The following SCCPDH variants were observed in gnomAD, a reference collection of about 807,000 sequenced individuals.
The protein encoded by SCCPDH is saccharopine dehydrogenase (putative).
Under a neutral mutation model 51.5 loss-of-function variants are expected in SCCPDH, and 34 were observed. The observed-to-expected ratio is 0.66, with a 90% CI of 0.50 to 0.88. The LOEUF (loss-of-function observed/expected upper bound fraction) is 0.88. Among genes scored for constraint, SCCPDH ranks in the 40% least tolerant of loss-of-function variants. The probability of loss-of-function intolerance (pLI) is 0.00; values close to 1 mark genes in which losing one functional copy is unlikely to be tolerated. For synonymous variants in SCCPDH, 187 were observed against 191.3 expected (o/e 0.98, Z 0.19); for missense variants, 464 against 527.1 (o/e 0.88, Z 1.17).
intron 2 of SCCPDH, 121 bp from the exon 3 acceptor site, chr1:246,735,854 C>T (rs1408149422): frequency 6.2e-6 from 4 of 643,414 alleles, no homozygotes; most frequent in African/African-American, 1.9e-5. Context: ...TATCTTTAGG[C>T]TATTTTATTA....
At chr1:246,752,380 C>T (rs1307455418) in intron 5 of SCCPDH, among the ~76,000 whole-genome samples, 2 of 152,158 alleles carry the variant, frequency 1.3e-5, no homozygotes, top group Admixed American at 1.3e-4. Context: ...AGTTGTACAG[C>T]TAAGAAACGG....
intron 3 of SCCPDH, among the ~76,000 whole-genome samples, chr1:246,736,347 G>A (rs1470971488): frequency 1.3e-5 from 2 of 152,112 alleles, no homozygotes; most frequent in Non-Finnish European, 2.9e-5. Context: ...ATAGCGGACT[G>A]TGCATAATTC....
chr1:246,751,030 G>A (rs765848444), intron 5 of SCCPDH, among the ~76,000 whole-genome samples: 18 of 152,202 alleles, frequency 1.2e-4, no homozygotes, highest in African/African-American at 2.9e-4. Flanking sequence ...ACAACATTTC[G>A]CTCATAAGGG....
intron 5 of SCCPDH, among the ~76,000 whole-genome samples, chr1:246,751,283 T>C (rs757569639): frequency 1.3e-5 from 2 of 150,618 alleles, no homozygotes; most frequent in African/African-American, 2.5e-5. Context: ...TTTTATAGAC[T>C]CTTTTTAACC....
intron 9 of SCCPDH, among the ~76,000 whole-genome samples, chr1:246,762,573 G>A (rs1669033888): frequency 1.3e-5 from 2 of 152,080 alleles, no homozygotes; most frequent in African/African-American, 2.4e-5. Flanking sequence ...CGGGCGCAGT[G>A]GCTCACACCT....
intron 3 of SCCPDH, among the ~76,000 whole-genome samples, chr1:246,739,432 A>G (rs1668645984): frequency 6.6e-6 from 1 of 152,218 alleles, no homozygotes; most frequent in South Asian, 2.1e-4. Context: ...AGAGACAAGG[A>G]AAGTGTGAGA....
At chr1:246,745,278 C>A (rs1264929265) in intron 5 of SCCPDH, among the ~76,000 whole-genome samples, 2 of 152,160 alleles carry the variant, frequency 1.3e-5, no homozygotes, top group African/African-American at 4.8e-5. Context: ...TAGTGCCTAA[C>A]CCAGTTCTAG....
intron 3 of SCCPDH, among the ~76,000 whole-genome samples, chr1:246,739,810 C>T (rs567495628): frequency 1.3e-5 from 2 of 151,998 alleles, no homozygotes; most frequent in Admixed American, 6.6e-5. Context: ...TGTACGTGTG[C>T]GGAGCTTTAT....
chr1:246,745,611 G>A (rs940056220), intron 5 of SCCPDH, among the ~76,000 whole-genome samples: 1 of 152,110 alleles, frequency 6.6e-6, no homozygotes. Context: ...TGAAGGAAGA[G>A]GAAATAGTGT....
chr1:246,762,499 A>G (rs990650079), intron 9 of SCCPDH, among the ~76,000 whole-genome samples: 1 of 152,272 alleles, frequency 6.6e-6, no homozygotes. Context: ...TCTTTATAAA[A>G]TGTTCCTGGC....
At chr1:246,746,771 G>A (rs1207873995) in intron 5 of SCCPDH, among the ~76,000 whole-genome samples, 1 of 152,226 alleles carries the variant, frequency 6.6e-6, no homozygotes, top group African/African-American at 2.4e-5. Context: ...AACTTGGGAG[G>A]CAGAGGTTGC....
chr1:246,746,278 AG>A (rs1668760953), intron 5 of SCCPDH, among the ~76,000 whole-genome samples: 2 of 152,222 alleles, frequency 1.3e-5, no homozygotes, highest in African/African-American at 4.8e-5. Flanking sequence ...TTGAGCAAGC[AG>A]GGGGTACATA....
chr1:246,730,476 A>G (rs929012119), intron 2 of SCCPDH, among the ~76,000 whole-genome samples: 2 of 152,146 alleles, frequency 1.3e-5, no homozygotes, highest in African/African-American at 4.8e-5. Flanking sequence ...GTTGCAGTAA[A>G]GTGAAAACGA....
At chr1:246,730,916 T>G (rs1668481990) in intron 2 of SCCPDH, among the ~76,000 whole-genome samples, 1 of 152,018 alleles carries the variant, frequency 6.6e-6, no homozygotes, top group Non-Finnish European at 1.5e-5. Flanking sequence ...AAAAATTAGC[T>G]GGGCATGGTG....
rs747897430 is a variant in SCCPDH, at chr1:246,760,153, GT to G, written c.934-9del. 73 of 1,578,566 alleles carry G rather than the reference GT, an allele frequency of 4.6e-5. 1 individual carries two copies. In the East Asian group the frequency reaches 5.0e-4, roughly 11 times the overall value. On this transcript the variant is annotated splice_polypyrimidine_tract_variant and intron_variant, in intron 8 of 11. Coordinates refer to ENST00000366510, the MANE Select transcript of SCCPDH (RefSeq NM_016002.3). Reference sequence around the variant, plus strand: ...GAGTTTTAAAAAAATATCACTGACGGTTTTTTTTTCCCTTTAGTTCCCATGG... The same window carrying G: ...GAGTTTTAAAAAAATATCACTGACGGTTTTTTTTCCCTTTAGTTCCCATGG...
chr1:246,734,586 G>A (rs1293971355), intron 2 of SCCPDH, among the ~76,000 whole-genome samples: 1 of 152,172 alleles, frequency 6.6e-6, no homozygotes, highest in Admixed American at 6.5e-5. Context: ...TGTAATTCCA[G>A]TGTTATCCGC....
intron 5 of SCCPDH, among the ~76,000 whole-genome samples, chr1:246,747,108 T>C (rs1286937907): frequency 6.6e-6 from 1 of 152,214 alleles, no homozygotes; most frequent in African/African-American, 2.4e-5. Context: ...GATCTAGATG[T>C]TCAAATGATA....
chr1:246,730,770 C>T (rs1259623077), intron 2 of SCCPDH, among the ~76,000 whole-genome samples: 2 of 152,126 alleles, frequency 1.3e-5, no homozygotes, highest in Non-Finnish European at 2.9e-5. Context: ...GAAGATGGAA[C>T]TTTGAGGGCC....
At chr1:246,743,219 C>T (rs1668705806) in intron 4 of SCCPDH, among the ~76,000 whole-genome samples, 1 of 152,120 alleles carries the variant, frequency 6.6e-6, no homozygotes, top group Non-Finnish European at 1.5e-5. Flanking sequence ...CTTACCCCAG[C>T]TTCCCTAGTA....
Sources: allele counts gnomAD v4.1 joint callset (sites outside exome capture counted in the v4.1 genomes callset), GRCh38; gene constraint gnomAD v4.1.1; transcripts MANE v1.5; gene names NCBI Gene and HGNC (gene_info 2026-07-23, HGNC 2026-07-21).